The following EPSTI1 variants were observed in gnomAD, a reference collection of about 807,000 sequenced individuals.
EPSTI1 encodes epithelial-stromal interaction protein 1.
A neutral mutation model predicts 49.9 loss-of-function variants in EPSTI1; 66 were observed. The observed-to-expected ratio is 1.32, with a 90% CI of 1.08 to 1.62. The LOEUF is 1.62. Ranked by LOEUF, EPSTI1 falls within the 40% of genes most tolerant of loss-of-function variation. EPSTI1 has a pLI of 0.00. For synonymous variants in EPSTI1, 137 were observed against 130.7 expected, an observed-to-expected ratio of 1.05 and a Z score of -0.33; for missense variants, 394 against 365.5, an observed-to-expected ratio of 1.08 and a Z score of -0.64.
intron 3 of EPSTI1, among the ~76,000 whole-genome samples, chr13:42,966,320 T>C (rs1317609346): frequency 1.3e-4 from 2 of 15,658 alleles, no homozygotes; most frequent in Admixed American, 9.6e-4. Context: ...CCGGCCGCCA[T>C]CCCATCTAGG....
intron 10 of EPSTI1, among the ~76,000 whole-genome samples, chr13:42,892,381 TGA>T (rs1412283334): frequency 1.3e-5 from 2 of 152,078 alleles, no homozygotes; most frequent in African/African-American, 4.8e-5. Flanking sequence ...GGATGAGCAC[TGA>T]GAGAGGCTGG....
At chr13:42,947,874 C>T (rs184771649) in intron 6 of EPSTI1, among the ~76,000 whole-genome samples, 3 of 152,348 alleles carry the variant, frequency 2.0e-5, no homozygotes, top group African/African-American at 7.2e-5. Flanking sequence ...CAGTTTCATC[C>T]GTCAGGGCTC....
chr13:42,908,499 A>AG (rs1206127468), intron 8 of EPSTI1, among the ~76,000 whole-genome samples: 22 of 151,670 alleles, frequency 1.5e-4, no homozygotes, highest in African/African-American at 4.8e-4. Context: ...AAAAAAAAAA[A>AG]AAAAGGAAAA....
chr13:42,927,131 T>A (rs995281975), intron 6 of EPSTI1, among the ~76,000 whole-genome samples: 1 of 152,154 alleles, frequency 6.6e-6, no homozygotes, highest in Non-Finnish European at 1.5e-5. Context: ...CTAATATCTC[T>A]TTTTAGCTCT....
chr13:42,892,613 A>T (rs564331903), intron 10 of EPSTI1, among the ~76,000 whole-genome samples: 1 of 152,314 alleles, frequency 6.6e-6, no homozygotes, highest in East Asian at 1.9e-4. Context: ...CATATCTTGG[A>T]TAAGTAGAGA....
intron 6 of EPSTI1, among the ~76,000 whole-genome samples, chr13:42,937,955 T>C (rs146030084): frequency 6.6e-6 from 1 of 152,188 alleles, no homozygotes; most frequent in African/African-American, 2.4e-5. Flanking sequence ...AATAATAAGA[T>C]GTGAACATCA....
intron 1 of EPSTI1, among the ~76,000 whole-genome samples, chr13:42,983,869 C>G (rs769728965): frequency 9.2e-5 from 14 of 152,142 alleles, no homozygotes; most frequent in Admixed American, 4.6e-4. Context: ...AACACATGAG[C>G]TACTAATTGT....
At chr13:42,971,545 T>C (rs953372193) in intron 1 of EPSTI1, among the ~76,000 whole-genome samples, 6 of 152,130 alleles carry the variant, frequency 3.9e-5, no homozygotes, top group Admixed American at 2.0e-4. Flanking sequence ...GCAGCATACA[T>C]GTAGGTACAG....
At chr13:42,928,496 G>A (rs564134293) in intron 6 of EPSTI1, among the ~76,000 whole-genome samples, 65 of 152,302 alleles carry the variant, frequency 4.3e-4, no homozygotes, top group African/African-American at 1.5e-3. Flanking sequence ...TCTACTGCCT[G>A]TTGGAGAGGG....
At chr13:42,955,277 G>A (rs372512721) in intron 5 of EPSTI1, among the ~76,000 whole-genome samples, 5 of 152,114 alleles carry the variant, frequency 3.3e-5, no homozygotes, top group African/African-American at 4.8e-5. Context: ...GGTGGGGACT[G>A]GGGGGTCGTG....
intron 1 of EPSTI1, among the ~76,000 whole-genome samples, chr13:42,990,590 T>C (rs1188082664): frequency 6.6e-6 from 1 of 152,232 alleles, no homozygotes; most frequent in African/African-American, 2.4e-5. Context: ...TGAAAGTAAT[T>C]GGCTGCTTCT....
intron 8 of EPSTI1, among the ~76,000 whole-genome samples, chr13:42,910,294 T>C (rs917659490): frequency 2.5e-4 from 34 of 138,510 alleles, no homozygotes; most frequent in African/African-American, 6.5e-4. Flanking sequence ...AGAGTTTCGC[T>C]CTTGTTGCCC....
At chr13:42,990,121 A>G (rs1321869889) in intron 1 of EPSTI1, among the ~76,000 whole-genome samples, 1 of 151,852 alleles carries the variant, frequency 6.6e-6, no homozygotes, top group East Asian at 1.9e-4. Context: ...TCAGACATCA[A>G]ACCCCTAAAA....
At position 42,972,407 on chromosome 13, in the gene EPSTI1, A is replaced by G. The variant is rs115708247; in HGVS notation, c.189-1737T>C. The stretch of plus-strand genomic sequence containing the variant: ...GTACCACACTTGGAAAACCACTACT[A>G]TAGAGCAATCAAGCTATCTTAGAAC... On this transcript the variant is annotated intron_variant, in intron 1 of 10. Transcript: ENST00000313624. Among the ~76,000 whole-genome samples, 678 of 152,296 alleles carry G rather than the reference A, an allele frequency of 4.5e-3. 6 individuals are homozygous for G. The highest frequency in any genetic ancestry group is 0.015 in the African/African-American group (634 of 41,558).
chr13:42,936,761 C>T (rs141425624), intron 6 of EPSTI1, among the ~76,000 whole-genome samples: 162 of 152,304 alleles, frequency 1.1e-3, no homozygotes, highest in African/African-American at 3.7e-3. Flanking sequence ...TACAACTGCC[C>T]ATTTGATATA....
chr13:42,961,670 C>T (rs914361327), intron 5 of EPSTI1, among the ~76,000 whole-genome samples: 3 of 152,190 alleles, frequency 2.0e-5, no homozygotes, highest in Non-Finnish European at 2.9e-5. Context: ...TCACTAAATG[C>T]TGCACACAGA....
At chr13:42,966,740 G>GTA (rs1566167001) in intron 3 of EPSTI1, among the ~76,000 whole-genome samples, 1 of 90,164 alleles carries the variant, frequency 1.1e-5, no homozygotes, top group African/African-American at 3.4e-5. Flanking sequence ...GGGAGGTGAG[G>GTA]GGCGCCTCCG....
chr13:42,955,880 G>A lies in EPSTI1; in HGVS notation c.490-1859C>T, dbSNP rs1320543732. ...TGATAGTTGATGAAGAAGTATTTGG[G>A]GGGGGGGGGAAGTAGTAGTAGTAGT... On this transcript the variant is annotated intron_variant, in intron 5 of 10. Transcript: ENST00000313624. Among the ~76,000 whole-genome samples the A allele has an allele frequency of 2.9e-5, 4 of 135,908 alleles. 1 individual carries two copies. The highest frequency in any genetic ancestry group is 6.5e-5 in the Non-Finnish European group (4 of 61,734). The allele number at this position is 135,908 out of a possible 152,430, so 89.2% of individuals were successfully genotyped here.
chr13:42,963,336 T>C lies in EPSTI1; in HGVS notation c.408A>G (p.Leu136=), dbSNP rs1566162729. 1.2e-6 allele frequency: 2 copies of C among 1,609,668 alleles called. No individual in the cohort carries two copies. Among genetic ancestry groups the C allele is most frequent in the Non-Finnish European group, 1.7e-6 (2 of 1,178,400 alleles). Residue 136 remains leucine, a splice_region_variant and synonymous_variant, in exon 5 of 11, where the codon CTA becomes CTG. Coordinates refer to ENST00000313624, the MANE Select transcript of EPSTI1 (RefSeq NM_033255.5). ...TGATTCTTACAGATTCTTCTCTTTT[T>C]AGCTAAATTGTATTGAAATTACAGA... is the stretch of plus-strand genomic sequence containing the variant. ...QLMQSKYKQK[L]KREESVRIKK...
Sources: allele counts gnomAD v4.1 joint callset (sites outside exome capture counted in the v4.1 genomes callset), GRCh38; gene constraint gnomAD v4.1.1; transcripts MANE v1.5; gene names NCBI Gene and HGNC (gene_info 2026-07-23, HGNC 2026-07-21).